Variants in DOC2A observed in about 807,000 individuals in gnomAD.
DOC2A encodes the protein double C2 domain alpha.
DOC2A carries 28 observed loss-of-function variants against 40.6 expected under a neutral mutation model. The ratio of observed to expected loss-of-function variants is 0.69; its 90% CI spans 0.51 to 0.95. The LOEUF is 0.95. DOC2A is among the 40% of genes least tolerant of loss of function. The pLI is 0.00. For missense variants in DOC2A, 474 were observed against 552.5 expected, an observed-to-expected ratio of 0.86 and a Z score of 1.42; for synonymous variants, 241 against 236.9, an observed-to-expected ratio of 1.02 and a Z score of -0.16.
upstream of DOC2A, chr16:30,013,409 G>A (rs1402859053): frequency 6.0e-5 from 9 of 149,894 alleles, 1 homozygote; most frequent in African/African-American, 2.2e-4. Context: ...GGGACTACAG[G>A]TGCCCGCCTC....
In DOC2A at chr16:30,006,498, G is replaced by T; in HGVS notation, c.972C>A (p.Tyr324Ter). The change falls in exon 10 of 11, where the codon TAC becomes TAA. Residue 324 changes from tyrosine (Y) to a stop codon, truncating the protein, a stop_gained. Transcript: ENST00000350119. LOFTEE classifies it high-confidence loss of function. This position sits in a 1 kb window ranked among gnomAD's most constrained non-coding sequence, Gnocchi z 6.2. Reference protein sequence around the residue: ...LNPEFNEEFFYEIELSTLATK... With the variant: ...LNPEFNEEFF ...TGGCCAGAGTGGAGAGCTCTATCTC[G>T]TAGAAAAACTCCTAGGGACAAGGCC... 1.9e-6 allele frequency: 3 copies of T among 1,613,718 alleles called. No homozygotes were observed. Among genetic ancestry groups the T allele is most frequent in the Non-Finnish European group, 2.5e-6 (3 of 1,179,912 alleles).
rs373664334 is a variant in DOC2A, at chr16:30,010,237, T to C, written c.-13-2A>G. On this transcript the variant is annotated splice_acceptor_variant, in intron 1 of 10. Coordinates refer to ENST00000350119, the MANE Select transcript of DOC2A (RefSeq NM_003586.3). LOFTEE classifies it low-confidence loss of function (5UTR_SPLICE). The surrounding 1 kb of genome is among the most constrained non-coding windows in gnomAD (Gnocchi z 4.2). The stretch of plus-strand genomic sequence containing the variant: ...CGGCCCCTCATGCAGCACCCCTGGC[T>C]AGGAGAGGGCGTGTGAGCCAGTGAG... The C allele has an allele frequency of 5.1e-4, 821 of 1,613,214 alleles. 1 individual carries two copies. Among genetic ancestry groups the C allele is most frequent in the Admixed American group, 7.3e-4 (44 of 60,026 alleles).
upstream of DOC2A, chr16:30,013,488 G>C (rs1293377386): frequency 1.3e-5 from 2 of 149,022 alleles, no homozygotes; most frequent in African/African-American, 2.5e-5. Context: ...AGATGGTCTC[G>C]ATCTCCTGAC....
At chr16:30,011,477 C>T, upstream of DOC2A, 1 of 942,656 alleles carries the variant, frequency 1.1e-6, no homozygotes, top group Non-Finnish European at 1.3e-6. Context: ...CACGGCGCCT[C>T]CCTCCCTCCC....
chr16:30,016,055 A>ATTT (rs59271933), upstream of DOC2A, among the ~76,000 whole-genome samples: 193 of 16,862 alleles, frequency 0.011, 12 homozygotes, highest in East Asian at 0.017. Context: ...ATATATATAT[A>ATTT]TTTTTTTTTT....
intron 5 of DOC2A, 151 bp from the exon 6 acceptor site, chr16:30,007,450 C>T (rs1200858613): frequency 9.2e-7 from 1 of 1,086,734 alleles, no homozygotes; most frequent in Non-Finnish European, 1.4e-6. Context: ...CAGATTTGCC[C>T]ATTCCTCTGT....
rs1268286482 is a variant in DOC2A, at chr16:30,006,228, G to C, written c.1161C>G (p.Thr387=). ...DAALERWHTL[T]SELPPAAGAL... ...CCCCGGCCGCAGGGGGCAGCTCACT[G>C]GTCAGGGTGTGCCAGCGCTCCAGGG... Residue 387 remains threonine, a synonymous_variant, in exon 11 of 11, where the codon ACC becomes ACG. Transcript: ENST00000350119. The surrounding 1 kb of genome is among the most constrained non-coding windows in gnomAD (Gnocchi z 6.2). 1 of 1,592,276 alleles carries C rather than the reference G, an allele frequency of 6.3e-7. No individual in the cohort carries two copies. Among genetic ancestry groups the C allele is most frequent in the Non-Finnish European group, 8.5e-7 (1 of 1,170,696 alleles).
chr16:30,006,349 A>T lies in DOC2A; in HGVS notation c.1058-18T>A, dbSNP rs753671040. ...CACGCCACCTGGGGAGCAGGTGGGC[A>T]GGGTCAGGGCCACCTCCCTGCCACT... is the stretch of plus-strand genomic sequence containing the variant. On this transcript the variant is annotated intron_variant, in intron 10 of 10. Transcript: ENST00000350119. This position sits in a 1 kb window ranked among gnomAD's most constrained non-coding sequence, Gnocchi z 6.2. The T allele has an allele frequency of 6.2e-7, 1 of 1,612,476 alleles. No homozygotes were observed. The highest frequency in any genetic ancestry group is 1.1e-5 in the South Asian group (1 of 91,066).
chr16:30,005,929 C>G lies in DOC2A; in HGVS notation c.*257G>C. On this transcript the variant is annotated 3_prime_UTR_variant, in exon 11 of 11. Coordinates refer to ENST00000350119, the MANE Select transcript of DOC2A (RefSeq NM_003586.3). ...GAGCGCGGGGGCCTGGGGCCGGGCT[C>G]TGAGCACTGCCCGGGTGTGCAGATG... is the stretch of plus-strand genomic sequence containing the variant. 1.8e-6 allele frequency: 1 copy of G among 564,768 alleles called. No homozygotes were observed. The highest frequency in any genetic ancestry group is 3.1e-6 in the Non-Finnish European group (1 of 319,528). The allele number at this position is 564,768 out of a possible 1,614,324, so 35.0% of individuals were successfully genotyped here.
intron 1 of DOC2A, among the ~76,000 whole-genome samples, chr16:30,019,847 G>A (rs1335992573): frequency 6.6e-6 from 1 of 152,036 alleles, no homozygotes; most frequent in Non-Finnish European, 1.5e-5. Flanking sequence ...TGATTCTCCT[G>A]CCTCAGATTC....
Position 30,006,784 on chromosome 16 carries a change from C to G in DOC2A, c.878+1G>C, listed in dbSNP as rs760164397. The G allele has an allele frequency of 1.2e-6, 2 of 1,613,766 alleles. No individual in the cohort carries two copies. Among genetic ancestry groups the G allele is most frequent in the Non-Finnish European group, 1.7e-6 (2 of 1,179,976 alleles). ...AGGAGAGGGTCAGAGCAAGGGCTCA[C>G]GTCTTGACGTAGGGGTCCGAGTAAC... On this transcript the variant is annotated splice_donor_variant, in intron 8 of 10. Transcript: ENST00000350119. LOFTEE classifies it high-confidence loss of function. The surrounding 1 kb of genome is among the most constrained non-coding windows in gnomAD (Gnocchi z 6.2).
chr16:30,011,164 G>A, upstream of DOC2A: 3 of 639,632 alleles, frequency 4.7e-6, no homozygotes, highest in Non-Finnish European at 5.8e-6. Context: ...GCACGCGAGC[G>A]CGCACACACA....
upstream of DOC2A, among the ~76,000 whole-genome samples, chr16:30,016,187 T>A (rs2070855833): frequency 1.3e-5 from 2 of 150,306 alleles, no homozygotes. Context: ...TAGCTGGGAT[T>A]ACAGGTGCAC....
upstream of DOC2A, among the ~76,000 whole-genome samples, chr16:30,012,945 C>G (rs920918696): frequency 6.6e-6 from 1 of 151,662 alleles, no homozygotes; most frequent in Admixed American, 6.6e-5. Flanking sequence ...GAGCTGAGAT[C>G]GTGCCACTGC....
At chr16:30,013,305 G>A (rs369400928), upstream of DOC2A, among the ~76,000 whole-genome samples, 78 of 135,362 alleles carry the variant, frequency 5.8e-4, 1 homozygote, top group East Asian at 0.014. Context: ...TCGCTCTGTC[G>A]CCCAGGCTGG....
At chr16:30,022,858 G>A (rs896228373), upstream of DOC2A, 1 of 159,770 alleles carries the variant, frequency 6.3e-6, no homozygotes, top group Non-Finnish European at 1.4e-5. Flanking sequence ...ATACTCAGGA[G>A]GCTGAGGCAA....
upstream of DOC2A, among the ~76,000 whole-genome samples, chr16:30,014,418 G>C (rs1405425612): frequency 7.2e-5 from 11 of 152,060 alleles, no homozygotes; most frequent in African/African-American, 2.6e-4. Context: ...GGTGGATCAC[G>C]AGGTCAGGAG....
At chr16:30,013,603 C>CAAAAAAAAAAAAAAAAAAA (rs61309249), upstream of DOC2A, 5 of 34,886 alleles carry the variant, frequency 1.4e-4, no homozygotes, top group Admixed American at 5.3e-4. Flanking sequence ...GACCCTGTCT[C>CAAAAAAAAAAAAAAAAAAA]AAAAAAAAAA....
chr16:30,007,699 C>T (rs1299309366), intron 5 of DOC2A: 3 of 323,076 alleles, frequency 9.3e-6, no homozygotes, highest in Non-Finnish European at 1.8e-5. Context: ...CGTCCTTTTC[C>T]TGCATGCAGC....
Sources: gnomAD v4.1 joint callset for allele counts (sites outside exome capture counted in the v4.1 genomes callset) on GRCh38, gnomAD v4.1.1 for gene constraint, Gnocchi (gnomAD v3.1) non-coding constraint, MANE v1.5 for transcripts, NCBI Gene and HGNC (gene_info 2026-07-23, HGNC 2026-07-21) for gene names.